RBFOX1: variants seen among roughly 807,000 people sequenced by gnomAD.
RBFOX1 encodes the protein RNA binding protein fox-1 homolog 1.
In RBFOX1, 8 loss-of-function variants were observed where a neutral mutation model predicts 57.7. The ratio of observed to expected loss-of-function variants is 0.14; its 90% CI spans 0.08 to 0.25. The LOEUF is 0.25. Among genes scored for constraint, RBFOX1 ranks in the 10% least tolerant of loss-of-function variants. The probability of loss-of-function intolerance (pLI) is 1.00; values close to 1 mark genes in which losing one functional copy is unlikely to be tolerated. For synonymous variants in RBFOX1, 326 were observed against 222.4 expected (o/e 1.47, Z -4.15); for missense variants, 611 against 548.5 (o/e 1.11, Z -1.14).
At chr16:5,505,625 C>G (rs772234440) in intron 2 of RBFOX1, among the ~76,000 whole-genome samples, 1 of 152,160 alleles carries the variant, frequency 6.6e-6, no homozygotes, top group East Asian at 1.9e-4. Context: ...ACTGTCTTCC[C>G]TGGGTGAGTG....
At chr16:5,607,895 A>G (rs886632591) in intron 3 of RBFOX1, among the ~76,000 whole-genome samples, 31 of 152,284 alleles carry the variant, frequency 2.0e-4, no homozygotes, top group African/African-American at 7.2e-4. Flanking sequence ...ACAGGATTTC[A>G]TTGTATGATT....
At chr16:6,634,080 C>T (rs538518672) in intron 2 of RBFOX1, among the ~76,000 whole-genome samples, 2 of 145,108 alleles carry the variant, frequency 1.4e-5, no homozygotes, top group African/African-American at 5.0e-5. Context: ...CACACACATA[C>T]ACACACACAT....
At chr16:6,009,816 C>CGTGTGTGTGTGTGTGTG (rs1555469440) in intron 4 of RBFOX1, among the ~76,000 whole-genome samples, 1 of 148,418 alleles carries the variant, frequency 6.7e-6, no homozygotes. Flanking sequence ...GTGTGTGTGT[C>CGTGTGTGTGTGTGTGTG]TGTGTGTGTG....
At chr16:6,303,382 T>G (rs1052749467) in intron 1 of RBFOX1, among the ~76,000 whole-genome samples, 4 of 152,114 alleles carry the variant, frequency 2.6e-5, no homozygotes, top group African/African-American at 9.7e-5. Flanking sequence ...AGGATGGCTT[T>G]CTTTATGGTG....
chr16:5,692,023 T>A (rs200319033), intron 3 of RBFOX1, among the ~76,000 whole-genome samples: 2 of 3,312 alleles, frequency 6.0e-4, no homozygotes, highest in Non-Finnish European at 0.01. Flanking sequence ...TCTTTTTTTA[T>A]TTTTTTTTGC....
chr16:7,417,721 A>G (rs1393899657), intron 4 of RBFOX1, among the ~76,000 whole-genome samples: 1 of 152,194 alleles, frequency 6.6e-6, no homozygotes, highest in African/African-American at 2.4e-5. Flanking sequence ...TGTGTTCTCC[A>G]TCTTTATAAT....
chr16:6,785,148 A>C (rs937950953), intron 3 of RBFOX1, among the ~76,000 whole-genome samples: 1 of 152,038 alleles, frequency 6.6e-6, no homozygotes, highest in African/African-American at 2.4e-5. Context: ...GTTATATTTC[A>C]TTTCTGAACA....
chr16:7,188,910 G>A (rs1195366355), intron 4 of RBFOX1, among the ~76,000 whole-genome samples: 1 of 152,120 alleles, frequency 6.6e-6, no homozygotes, highest in Non-Finnish European at 1.5e-5. Flanking sequence ...GCTAAGGATT[G>A]GGGAAAGTTC....
At chr16:6,866,244 A>C (rs2059890128) in intron 3 of RBFOX1, among the ~76,000 whole-genome samples, 1 of 152,058 alleles carries the variant, frequency 6.6e-6, no homozygotes, top group Admixed American at 6.6e-5. Context: ...GGTTCTGGAA[A>C]TGTAAACTAC....
chr16:5,464,398 C>A (rs2068890160), intron 1 of RBFOX1, among the ~76,000 whole-genome samples: 1 of 152,154 alleles, frequency 6.6e-6, no homozygotes, highest in African/African-American at 2.4e-5. Flanking sequence ...GGAGGAAACG[C>A]CTTAGGAAAA....
intron 4 of RBFOX1, among the ~76,000 whole-genome samples, chr16:7,108,227 T>C (rs2063962335): frequency 6.6e-6 from 1 of 152,166 alleles, no homozygotes; most frequent in Non-Finnish European, 1.5e-5. Context: ...AGCTCTGGAA[T>C]CAGAAGCACT....
intron 4 of RBFOX1, among the ~76,000 whole-genome samples, chr16:7,419,482 T>G (rs1184811131): frequency 6.6e-6 from 1 of 152,238 alleles, no homozygotes; most frequent in African/African-American, 2.4e-5. Context: ...GATTGTATTG[T>G]GCCTTGTCAG....
intron 4 of RBFOX1, among the ~76,000 whole-genome samples, chr16:7,467,325 C>G (rs1276716538): frequency 2.0e-5 from 3 of 152,126 alleles, no homozygotes; most frequent in Non-Finnish European, 4.4e-5. Context: ...CTCATACATA[C>G]CAAGTCTTAT....
chr16:5,334,184 G>A (rs1462120109), intron 1 of RBFOX1, among the ~76,000 whole-genome samples: 1 of 152,172 alleles, frequency 6.6e-6, no homozygotes, highest in African/African-American at 2.4e-5. Context: ...TGGTCAGAGG[G>A]GAGGATATCT....
chr16:6,056,499 T>A (rs1260583314), intron 1 of RBFOX1, among the ~76,000 whole-genome samples: 2 of 152,254 alleles, frequency 1.3e-5, no homozygotes, highest in African/African-American at 4.8e-5. Context: ...CACATTCATA[T>A]ATCTCAAGCA....
At chr16:7,254,429 C>A (rs867752913) in intron 4 of RBFOX1, among the ~76,000 whole-genome samples, 95 of 152,178 alleles carry the variant, frequency 6.2e-4, no homozygotes, top group Middle Eastern at 3.4e-3. Flanking sequence ...GCCAAGATAT[C>A]ACTGGCCTGA....
Position 6,540,310 on chromosome 16 carries a change from TA to T in RBFOX1, c.-63-114281del, listed in dbSNP as rs34562910. The stretch of plus-strand genomic sequence containing the variant: ...AGCCATCATATAAGCTGGCTGGCTG[TA>T]AAAAAAAAAAACTCAACTCAGGCCT... On this transcript the variant is annotated intron_variant, in intron 2 of 15. Transcript: ENST00000550418. 9.8e-4 allele frequency among the ~76,000 whole-genome samples: 145 copies of T among 147,674 alleles called. 1 individual carries two copies. The highest frequency in any genetic ancestry group is 3.3e-3 in the African/African-American group (132 of 40,094).
At chr16:5,784,717 C>G (rs764508385) in intron 3 of RBFOX1, among the ~76,000 whole-genome samples, 8 of 152,142 alleles carry the variant, frequency 5.3e-5, no homozygotes, top group Non-Finnish European at 1.0e-4. Context: ...GTAATTAAAT[C>G]ATGAGCATGG....
At chr16:7,563,624 C>G (rs866185822) in intron 5 of RBFOX1, among the ~76,000 whole-genome samples, 4 of 152,112 alleles carry the variant, frequency 2.6e-5, no homozygotes, top group African/African-American at 9.7e-5. Flanking sequence ...CACACCACCA[C>G]ACTTGGCTAA....
Sources: gnomAD v4.1 joint callset for allele counts (sites outside exome capture counted in the v4.1 genomes callset) on GRCh38, gnomAD v4.1.1 for gene constraint, MANE v1.5 for transcripts, NCBI Gene and HGNC (gene_info 2026-07-23, HGNC 2026-07-21) for gene names.